The following FCRLB variants were observed in gnomAD, a reference collection of about 807,000 sequenced individuals.
FCRLB encodes the protein Fc receptor-like B.
In FCRLB, 34 loss-of-function variants were observed where a neutral mutation model predicts 33.6. The observed-to-expected ratio is 1.01, with a 90% CI of 0.77 to 1.35. The LOEUF is 1.35. Ranked by LOEUF, FCRLB falls within the 40% of genes most tolerant of loss-of-function variation. The probability of loss-of-function intolerance (pLI) is 0.00; values close to 1 mark genes in which losing one functional copy is unlikely to be tolerated. For missense variants in FCRLB, 560 were observed against 580.2 expected, an observed-to-expected ratio of 0.97 and a Z score of 0.36; for synonymous variants, 280 against 255.9, an observed-to-expected ratio of 1.09 and a Z score of -0.90.
chr1:161,727,566 A>G, exon 8 of FCRLB: 1 of 1,614,170 alleles, frequency 6.2e-7, no homozygotes, highest in Non-Finnish European at 8.5e-7. Flanking sequence ...TAAAGGAGCC[A>G]CAGGCCCTCC....
Position 161,726,942 on chromosome 1 carries a change from G to C in FCRLB, c.814G>C (p.Ala272Pro). 1 of 1,553,136 alleles carries C rather than the reference G, an allele frequency of 6.4e-7. No individual in the cohort carries two copies. The highest frequency in any genetic ancestry group is 8.7e-7 in the Non-Finnish European group (1 of 1,148,228). The change falls in exon 7 of 8, where the codon GCC (alanine) becomes CCC (proline). Residue 272 changes from alanine (A) to proline (P), a missense_variant. By Grantham distance (27) the Ala-to-Pro change is conservative (BLOSUM62 -1). Coordinates refer to ENST00000367948, the Ensembl canonical transcript of FCRLB. This position sits in a 1 kb window ranked among gnomAD's most constrained non-coding sequence, Gnocchi z 5.2. ...ATCGTACTGGTGCGAGGCGGCTACC[G>C]CCACCCGCAGTGTCCGGAAACGCAG... is the stretch of plus-strand genomic sequence containing the variant.
Position 161,726,063 on chromosome 1 carries a change from G to C in FCRLB, c.550G>C (p.Ala184Pro). ...GGTGGAGAGCGCGCCCATGTTCTCC[G>C]CTAAGGTGGCTGTGACAGTGCAAGG... is the stretch of plus-strand genomic sequence containing the variant. Residue 184 changes from alanine (A) to proline (P), a missense_variant, in exon 6 of 8, where the codon GCT becomes CCT. Ala to Pro is a conservative substitution (Grantham distance 27). Coordinates refer to ENST00000367948, the Ensembl canonical transcript of FCRLB. This position sits in a 1 kb window ranked among gnomAD's most constrained non-coding sequence, Gnocchi z 5.2. 1.2e-6 allele frequency: 2 copies of C among 1,611,510 alleles called. No individual in the cohort carries two copies. Among genetic ancestry groups the C allele is most frequent in the Non-Finnish European group, 1.7e-6 (2 of 1,178,292 alleles).
At position 161,723,773 on chromosome 1, in the gene FCRLB, T is replaced by C. The variant is rs564979880; in HGVS notation, c.307+152T>C. On this transcript the variant is annotated intron_variant, in intron 5 of 7. Transcript: ENST00000367948. ...TAAGTCTCTGGAGCAGGTAGGGACC[T>C]GCACGGCACTATGCGAGAGATGCAG... is the stretch of plus-strand genomic sequence containing the variant. 4,706 of 1,183,970 alleles carry C rather than the reference T, an allele frequency of 4.0e-3. 11 individuals are homozygous for C. The highest frequency in any genetic ancestry group is 4.7e-3 in the Non-Finnish European group (4,095 of 863,974). The allele number at this position is 1,183,970 out of a possible 1,614,324, so 73.3% of individuals were successfully genotyped here. A position where few individuals can be genotyped will look rare whatever the true frequency, so the allele number is the denominator to read the frequency against.
At chr1:161,727,262 C>G in exon 8 of FCRLB, 1 of 1,607,360 alleles carries the variant, frequency 6.2e-7, no homozygotes, top group Non-Finnish European at 8.5e-7. Context: ...CCCCTGGACC[C>G]GGCCTCCACC....
intron 4 of FCRLB, 68 bp from the exon 5 acceptor site, chr1:161,723,299 G>T (rs961019699): frequency 6.4e-7 from 1 of 1,571,684 alleles, no homozygotes. Context: ...AACTCAGGTC[G>T]TTTCTTTGGG....
chr1:161,725,518 G>A (rs980585622), intron 5 of FCRLB, among the ~76,000 whole-genome samples: 1 of 151,940 alleles, frequency 6.6e-6, no homozygotes, highest in South Asian at 2.1e-4. Context: ...GGCGCCCACC[G>A]GTAATCCCAG....
exon 8 of FCRLB, chr1:161,727,854 A>C (rs1489679853): frequency 1.6e-6 from 1 of 629,190 alleles, no homozygotes; most frequent in East Asian, 2.8e-5. Flanking sequence ...ATTCTCTTTG[A>C]ATTCTCACAG....
At position 161,726,210 on chromosome 1, in the gene FCRLB, G is replaced by A; in HGVS notation, c.574+123G>A. The A allele has an allele frequency of 6.8e-7, 1 of 1,459,890 alleles. No homozygotes were observed. Among genetic ancestry groups the A allele is most frequent in the Non-Finnish European group, 9.4e-7 (1 of 1,060,050 alleles). The allele number at this position is 1,459,890 out of a possible 1,614,324, so 90.4% of individuals were successfully genotyped here. A position where few individuals can be genotyped will look rare whatever the true frequency, so the allele number is the denominator to read the frequency against. ...GCTGCCACTTGGAGGGTTTCTCTTA[G>A]ACTATGGACGCTGTCTCCTCTCCTT... On this transcript the variant is annotated intron_variant, in intron 6 of 7. Coordinates refer to ENST00000367948, the Ensembl canonical transcript of FCRLB. This position sits in a 1 kb window ranked among gnomAD's most constrained non-coding sequence, Gnocchi z 5.2.
chr1:161,727,622 T>G (rs1419498165), exon 8 of FCRLB: 1 of 1,613,792 alleles, frequency 6.2e-7, no homozygotes, highest in Non-Finnish European at 8.5e-7. Context: ...CACTTTGCTG[T>G]GAGCCCGGGA....
rs747784426 is a variant in FCRLB at position 161,723,422 on chromosome 1, A to T, written c.108A>T (p.Lys36Asn). 10 of 1,614,060 alleles carry T rather than the reference A, an allele frequency of 6.2e-6. No homozygotes were observed. The East Asian group carries it at 2.2e-4, about 36-fold the overall frequency. The change falls in exon 5 of 8, where the codon AAA becomes AAT. Residue 36 changes from lysine (K) to asparagine (N), a missense_variant. Coordinates refer to ENST00000367948, the Ensembl canonical transcript of FCRLB. Reference sequence around the variant, plus strand: ...ATCCACCTTGGACCACCATCTTCAAAGGGGAGCGGGTAACTTTGAAGTGTG... The same window carrying T: ...ATCCACCTTGGACCACCATCTTCAATGGGGAGCGGGTAACTTTGAAGTGTG...
exon 6 of FCRLB, chr1:161,725,878 T>A: frequency 6.2e-7 from 1 of 1,614,184 alleles, no homozygotes. Context: ...CCGCTAGTCC[T>A]GCGCTGCCGC....
chr1:161,724,442 A>AT (rs1683475533), intron 5 of FCRLB, among the ~76,000 whole-genome samples: 1 of 151,642 alleles, frequency 6.6e-6, no homozygotes, highest in Admixed American at 6.6e-5. Flanking sequence ...AAAAAAAAAA[A>AT]AAAAAATAGC....
intron 4 of FCRLB, among the ~76,000 whole-genome samples, 154 bp downstream of exon 4, chr1:161,723,163 A>G (rs935613262): frequency 7.9e-5 from 12 of 152,126 alleles, no homozygotes; most frequent in African/African-American, 2.7e-4. Context: ...GCTTGAAGGC[A>G]TTTAGAAATG....
chr1:161,727,358 C>T, exon 8 of FCRLB: 1 of 1,613,768 alleles, frequency 6.2e-7, no homozygotes, highest in Non-Finnish European at 8.5e-7. Context: ...AGATCGGTCC[C>T]GTTGGTCACC....
rs1347112159 is a variant in FCRLB, at chr1:161,726,201, T to C, written c.574+114T>C. 2 of 1,519,030 alleles carry C rather than the reference T, an allele frequency of 1.3e-6. No homozygotes were observed. Among genetic ancestry groups the C allele is most frequent in the Non-Finnish European group, 1.8e-6 (2 of 1,108,970 alleles). The allele number at this position is 1,519,030 out of a possible 1,614,324, so 94.1% of individuals were successfully genotyped here. A position where few individuals can be genotyped will look rare whatever the true frequency, so the allele number is the denominator to read the frequency against. On this transcript the variant is annotated intron_variant, in intron 6 of 7. Transcript: ENST00000367948. This position sits in a 1 kb window ranked among gnomAD's most constrained non-coding sequence, Gnocchi z 5.2. The stretch of plus-strand genomic sequence containing the variant: ...GTTCAAATAGCTGCCACTTGGAGGG[T>C]TTCTCTTAGACTATGGACGCTGTCT...
In FCRLB at chr1:161,726,737, T is replaced by TCCGCGGGAGGC; in HGVS notation, c.616_626dup (p.Ala210ArgfsTer162). The TCCGCGGGAGGC allele has an allele frequency of 2.5e-6, 4 of 1,595,110 alleles. No individual in the cohort carries two copies. The highest frequency in any genetic ancestry group is 3.4e-6 in the Non-Finnish European group (4 of 1,174,812). ...GGGCGCCGGTGCTGAGGGTGATGGG[T>TCCGCGGGAGGC]CCGCGGGAGGCCCGCGGCGCGGCGC... On this transcript the variant is annotated frameshift_variant, in exon 7 of 8. Transcript: ENST00000367948. LOFTEE classifies it high-confidence loss of function. This position sits in a 1 kb window ranked among gnomAD's most constrained non-coding sequence, Gnocchi z 5.2.
chr1:161,727,849 CTT>C lies in FCRLB; in HGVS notation c.*189_*190del, dbSNP rs1683654143. ...AGCAGTTTGTAACCGCAAGCATTCT[CTT>C]TGAATTCTCACAGAATTCAGCAAGA... On this transcript the variant is annotated 3_prime_UTR_variant, in exon 8 of 8. Transcript: ENST00000367948. The C allele has an allele frequency of 7.8e-6, 5 of 638,904 alleles. 1 individual carries two copies. Among genetic ancestry groups the C allele is most frequent in the Non-Finnish European group, 7.9e-6 (3 of 381,628 alleles). The allele number at this position is 638,904 out of a possible 1,614,324, so 39.6% of individuals were successfully genotyped here. A position where few individuals can be genotyped will look rare whatever the true frequency, so the allele number is the denominator to read the frequency against.
At chr1:161,727,896 C>G (rs1317311630) in exon 8 of FCRLB, 6 of 526,364 alleles carry the variant, frequency 1.1e-5, no homozygotes, top group Admixed American at 3.4e-5. Context: ...CTGTTATTTA[C>G]TACATTGTGA....
chr1:161,725,863 G>A (rs1196182794), exon 6 of FCRLB: 2 of 1,613,872 alleles, frequency 1.2e-6, no homozygotes, highest in Non-Finnish European at 1.7e-6. Context: ...GTGTTCGAGG[G>A]TGAGCCGCTA....
Sources: allele counts gnomAD v4.1 joint callset (sites outside exome capture counted in the v4.1 genomes callset), GRCh38; gene constraint gnomAD v4.1.1; non-coding constraint Gnocchi (gnomAD v3.1); transcripts MANE v1.5; gene names NCBI Gene and HGNC (gene_info 2026-07-23, HGNC 2026-07-21).